The following ANKRD31 variants were observed in gnomAD, a reference collection of about 807,000 sequenced individuals.
ANKRD31 encodes the protein ankyrin repeat domain-containing protein 31.
A neutral mutation model predicts 186.0 loss-of-function variants in ANKRD31; 147 were observed. That is an observed-to-expected ratio of 0.79 (90% CI 0.69 to 0.91). The LOEUF (loss-of-function observed/expected upper bound fraction) is 0.91. ANKRD31 is among the 40% of genes least tolerant of loss of function. ANKRD31 has a pLI of 0.00. For synonymous variants in ANKRD31, 673 were observed against 736.4 expected, an observed-to-expected ratio of 0.91 and a Z score of 1.39; for missense variants, 1,986 against 2,148.8, an observed-to-expected ratio of 0.92 and a Z score of 1.50.
At chr5:75,096,616 A>G (rs1746339078) in intron 22 of ANKRD31, among the ~76,000 whole-genome samples, 1 of 151,828 alleles carries the variant, frequency 6.6e-6, no homozygotes. Flanking sequence ...TATTGCCTAG[A>G]TTTTCTTCTA....
intron 23 of ANKRD31, among the ~76,000 whole-genome samples, 151 bp from the exon 24 acceptor site, chr5:75,084,525 C>T (rs1334918420): frequency 6.6e-6 from 1 of 152,206 alleles, no homozygotes; most frequent in African/African-American, 2.4e-5. Flanking sequence ...CCACCTGCAA[C>T]CTTCTTTTCT....
intron 17 of ANKRD31, among the ~76,000 whole-genome samples, chr5:75,131,055 C>G (rs1749760205): frequency 6.6e-6 from 1 of 152,244 alleles, no homozygotes; most frequent in African/African-American, 2.4e-5. Context: ...CCAGCAGGTA[C>G]TGGCTGGCTG....
chr5:75,207,599 T>C (rs541203747), intron 4 of ANKRD31, among the ~76,000 whole-genome samples: 2 of 152,142 alleles, frequency 1.3e-5, no homozygotes, highest in East Asian at 3.9e-4. Flanking sequence ...TTTAAAAACA[T>C]TATGACACAA....
chr5:75,230,730 A>G, intron 1 of ANKRD31, 95 bp from the exon 2 acceptor site: 1 of 889,188 alleles, frequency 1.1e-6, no homozygotes, highest in South Asian at 1.7e-5. Context: ...AAAACTTGCT[A>G]AAATTCTTAG....
At chr5:75,155,868 T>A (rs2335107) in intron 11 of ANKRD31, among the ~76,000 whole-genome samples, 40,467 of 151,880 alleles carry the variant, frequency 0.27, 8,281 homozygotes, top group African/African-American at 0.58. Flanking sequence ...ACTTTCCTCA[T>A]CTTCCTATAA....
chr5:75,085,376 A>G (rs1190459757), intron 23 of ANKRD31, among the ~76,000 whole-genome samples: 1 of 146,022 alleles, frequency 6.8e-6, no homozygotes, highest in Non-Finnish European at 1.5e-5. Flanking sequence ...TTTTCTTTTA[A>G]TTTTTTTTTT....
At chr5:75,090,854 G>T (rs957463189) in intron 23 of ANKRD31, among the ~76,000 whole-genome samples, 3 of 152,204 alleles carry the variant, frequency 2.0e-5, no homozygotes, top group Non-Finnish European at 4.4e-5. Flanking sequence ...GTATTTAGGA[G>T]ATTTTGCTTT....
chr5:75,100,136 T>A (rs1427773638), intron 22 of ANKRD31, among the ~76,000 whole-genome samples: 1 of 152,224 alleles, frequency 6.6e-6, no homozygotes, highest in Non-Finnish European at 1.5e-5. Flanking sequence ...CTGTTCTCAT[T>A]GGTTTCCAAG....
chr5:75,175,802 G>A (rs539633726), intron 10 of ANKRD31, among the ~76,000 whole-genome samples: 80 of 152,208 alleles, frequency 5.3e-4, no homozygotes, highest in Non-Finnish European at 6.8e-4. Flanking sequence ...AGCTCCCAGC[G>A]TGAGCGATGC....
At chr5:75,130,200 G>T in intron 17 of ANKRD31, among the ~76,000 whole-genome samples, 1 of 152,142 alleles carries the variant, frequency 6.6e-6, no homozygotes, top group East Asian at 1.9e-4. Context: ...GGAGTTGTTT[G>T]TTTCTCCCAG....
chr5:75,077,863 C>T (rs1047072539), intron 25 of ANKRD31, among the ~76,000 whole-genome samples: 3 of 132,330 alleles, frequency 2.3e-5, no homozygotes, highest in African/African-American at 5.8e-5. Flanking sequence ...AGGCGGGAGG[C>T]GGAGGTTGCA....
At chr5:75,190,897 C>T (rs142017147) in intron 9 of ANKRD31, among the ~76,000 whole-genome samples, 3 of 151,732 alleles carry the variant, frequency 2.0e-5, no homozygotes, top group Admixed American at 1.3e-4. Context: ...TGCAATTAAA[C>T]CCTTGTCAAA....
At chr5:75,155,919 T>G (rs1357235623) in intron 11 of ANKRD31, among the ~76,000 whole-genome samples, 2 of 152,100 alleles carry the variant, frequency 1.3e-5, no homozygotes, top group Admixed American at 1.3e-4. Flanking sequence ...CAGCCTTTTT[T>G]TTTTTTGAGA....
Position 75,195,964 on chromosome 5 carries a change from A to G in ANKRD31, c.684T>C (p.Leu228=). The G allele has an allele frequency of 6.5e-7, 1 of 1,532,346 alleles. No individual in the cohort carries two copies. The highest frequency in any genetic ancestry group is 8.7e-7 in the Non-Finnish European group (1 of 1,144,606). The allele number at this position is 1,532,346 out of a possible 1,614,324, so 94.9% of individuals were successfully genotyped here. Reference sequence around the variant, plus strand: ...CCTCCTGGGTGCTTTCTGGTGATGTAAGTAAACTTTCTAAGGCAGACACAA... The same window carrying G: ...CCTCCTGGGTGCTTTCTGGTGATGTGAGTAAACTTTCTAAGGCAGACACAA... ...ETFVSALESL[L]TSPESTQEER... The change falls in exon 7 of 26, where the codon CTT becomes CTC. Residue 228 remains leucine, a synonymous_variant. Transcript: ENST00000506364.
chr5:75,141,336 A>G (rs1463371841), intron 15 of ANKRD31, among the ~76,000 whole-genome samples: 8 of 150,752 alleles, frequency 5.3e-5, no homozygotes, highest in South Asian at 2.1e-4. Flanking sequence ...TTGAAAACTT[A>G]TGTGTGTGTG....
At chr5:75,106,291 T>A (rs1365138180) in intron 21 of ANKRD31, among the ~76,000 whole-genome samples, 1 of 152,074 alleles carries the variant, frequency 6.6e-6, no homozygotes, top group Non-Finnish European at 1.5e-5. Context: ...AACCCCACCA[T>A]GGGTCCCTGG....
chr5:75,120,744 C>T (rs569213745), intron 17 of ANKRD31, among the ~76,000 whole-genome samples: 10 of 152,066 alleles, frequency 6.6e-5, no homozygotes, highest in Non-Finnish European at 1.2e-4. Flanking sequence ...AACAACATGA[C>T]GGGAAGAAAA....
intron 1 of ANKRD31, among the ~76,000 whole-genome samples, chr5:75,232,091 A>T (rs1757986903): frequency 6.6e-6 from 1 of 152,192 alleles, no homozygotes; most frequent in South Asian, 2.1e-4. Flanking sequence ...GCTCTTTTCT[A>T]CTGACCATTA....
chr5:75,102,294 G>T (rs563925588), intron 22 of ANKRD31, among the ~76,000 whole-genome samples: 62 of 152,326 alleles, frequency 4.1e-4, no homozygotes, highest in Middle Eastern at 3.4e-3. Context: ...TCCTCTGGAA[G>T]CTTCGTCTCA....
Sources: allele counts gnomAD v4.1 joint callset (sites outside exome capture counted in the v4.1 genomes callset), GRCh38; gene constraint gnomAD v4.1.1; transcripts MANE v1.5; gene names NCBI Gene and HGNC (gene_info 2026-07-23, HGNC 2026-07-21).